Variants in ARL1 observed in about 807,000 individuals in gnomAD.
ARL1 encodes the protein ADP-ribosylation factor-like protein 1.
ARL1 carries 17 observed loss-of-function variants against 30.1 expected under a neutral mutation model. The observed-to-expected ratio is 0.56, with a 90% CI of 0.39 to 0.85. The LOEUF (loss-of-function observed/expected upper bound fraction) is 0.85, where lower values mean the gene tolerates loss of function less well. ARL1 is among the 40% of genes least tolerant of loss of function. The pLI, the probability that ARL1 is intolerant of heterozygous loss-of-function variation, is 0.00. For synonymous variants in ARL1, 58 were observed against 71.7 expected, an observed-to-expected ratio of 0.81 and a Z score of 0.97; for missense variants, 102 against 212.6, an observed-to-expected ratio of 0.48 and a Z score of 3.24.
At position 101,394,752 on chromosome 12, in the gene ARL1, A is replaced by C. The variant is rs930306497; in HGVS notation, c.*888T>G. The C allele has an allele frequency of 2.0e-5, 3 of 152,226 alleles. No individual in the cohort carries two copies. 9.4% of individuals were successfully genotyped at this position (152,226 alleles called of 1,614,324 possible). A position where few individuals can be genotyped will look rare whatever the true frequency, so the allele number is the denominator to read the frequency against. On this transcript the variant is annotated 3_prime_UTR_variant, in exon 6 of 6. Coordinates refer to ENST00000261636, the MANE Select transcript of ARL1 (RefSeq NM_001177.6). ...TACTAGTATAGACAAATAAATTTAT[A>C]AACATTATTTTGAATGTAACTAATT...
intron 4 of ARL1, among the ~76,000 whole-genome samples, chr12:101,398,788 C>T (rs920331621): frequency 3.3e-5 from 5 of 152,108 alleles, no homozygotes; most frequent in African/African-American, 1.2e-4. Flanking sequence ...TTGGCCCATA[C>T]TTAACATAAC....
Position 101,393,921 on chromosome 12 carries a change from C to G in ARL1, c.*1719G>C, listed in dbSNP as rs1320229423. 6.6e-6 allele frequency: 1 copy of G among 151,706 alleles called. No individual in the cohort carries two copies. Among genetic ancestry groups the G allele is most frequent in the Non-Finnish European group, 1.5e-5 (1 of 68,000 alleles). The allele number at this position is 151,706 out of a possible 1,614,324, so 9.4% of individuals were successfully genotyped here. A position where few individuals can be genotyped will look rare whatever the true frequency, so the allele number is the denominator to read the frequency against. On this transcript the variant is annotated 3_prime_UTR_variant, in exon 6 of 6. Coordinates refer to ENST00000261636, the MANE Select transcript of ARL1 (RefSeq NM_001177.6). The stretch of plus-strand genomic sequence containing the variant: ...GGCTACTTGTCAAGATGACAAATAT[C>G]TATCCTACTGTTTCAACTATGAACA...
At chr12:101,400,927 T>G in intron 4 of ARL1, 135 bp downstream of exon 4, 1 of 656,774 alleles carries the variant, frequency 1.5e-6, no homozygotes, top group East Asian at 2.8e-5. Context: ...ATTTTTGGAA[T>G]AGAAAATCAT....
At chr12:101,405,688 G>T in intron 2 of ARL1, 156 bp downstream of exon 2, 1 of 681,148 alleles carries the variant, frequency 1.5e-6, no homozygotes. Context: ...GGCCAAGGCA[G>T]GAGGATCACT....
At chr12:101,406,019 T>C (rs1457780306) in intron 1 of ARL1, 38 bp from the exon 2 acceptor site, 1 of 1,496,684 alleles carries the variant, frequency 6.7e-7, no homozygotes. Flanking sequence ...CACAATGTCA[T>C]TTTGTGAACT....
intron 4 of ARL1, 143 bp from the exon 5 acceptor site, chr12:101,396,720 G>A (rs1565814421): frequency 1.6e-6 from 1 of 635,872 alleles, no homozygotes. Context: ...ATATAGAGAA[G>A]TATAAAGAAA....
chr12:101,394,735 T>C lies in ARL1; in HGVS notation c.*905A>G, dbSNP rs920314245. 1.3e-5 allele frequency: 2 copies of C among 152,212 alleles called. No homozygotes were observed. Among genetic ancestry groups the C allele is most frequent in the Non-Finnish European group, 2.9e-5 (2 of 68,028 alleles). The allele number at this position is 152,212 out of a possible 1,614,324, so 9.4% of individuals were successfully genotyped here. A position where few individuals can be genotyped will look rare whatever the true frequency, so the allele number is the denominator to read the frequency against. On this transcript the variant is annotated 3_prime_UTR_variant, in exon 6 of 6. Transcript: ENST00000261636. ...ATGTCACTGATCACTTCTACTAGTA[T>C]AGACAAATAAATTTATAAACATTAT...
At chr12:101,403,248 C>G in intron 2 of ARL1, 1 of 454,588 alleles carries the variant, frequency 2.2e-6, no homozygotes, top group Non-Finnish European at 4.3e-6. Context: ...TTTTAAAAGC[C>G]AGCAGTTCTG....
intron 2 of ARL1, among the ~76,000 whole-genome samples, chr12:101,405,346 T>C (rs1157338446): frequency 2.0e-5 from 3 of 152,232 alleles, no homozygotes; most frequent in Non-Finnish European, 4.4e-5. Context: ...TATAATTCTT[T>C]ACACAGATTT....
intron 5 of ARL1, chr12:101,396,175 T>C (rs967260227): frequency 1.5e-5 from 9 of 620,534 alleles, no homozygotes; most frequent in Non-Finnish European, 2.5e-5. Flanking sequence ...AGGCTAAAAA[T>C]TGGCAAAGAA....
In ARL1 at chr12:101,393,267, T is replaced by C. The variant is rs1001056146; in HGVS notation, c.*2373A>G. ...GAGCTTACATTTCAACAGTTTAAAG[T>C]GCATCTCAGGTATTTCAGATAACAG... On this transcript the variant is annotated 3_prime_UTR_variant, in exon 6 of 6. Transcript: ENST00000261636. 1.3e-5 allele frequency: 2 copies of C among 151,804 alleles called. No homozygotes were observed. Among genetic ancestry groups the C allele is most frequent in the African/African-American group, 4.8e-5 (2 of 41,298 alleles). 9.4% of individuals were successfully genotyped at this position (151,804 alleles called of 1,614,324 possible).
chr12:101,401,342 G>A lies in ARL1; in HGVS notation c.225-169C>T, dbSNP rs1038931808. On this transcript the variant is annotated intron_variant, in intron 3 of 5. Transcript: ENST00000261636. ...TCAGATGTGATGGAGTCAAAAGAAT[G>A]TTGATAAACATTGGCTGGGCACGGT... 3.2e-5 allele frequency: 16 copies of A among 507,246 alleles called. No homozygotes were observed. In the African/African-American group the frequency reaches 3.2e-4, roughly 10 times the overall value. 31.4% of individuals were successfully genotyped at this position (507,246 alleles called of 1,614,324 possible).
At chr12:101,401,352 A>T (rs539492243) in intron 3 of ARL1, 179 bp from the exon 4 acceptor site, 27 of 491,460 alleles carry the variant, frequency 5.5e-5, no homozygotes, top group African/African-American at 5.3e-4. Flanking sequence ...GTTGATAAAC[A>T]TTGGCTGGGC....
intron 1 of ARL1, chr12:101,407,223 T>G: frequency 4.7e-6 from 1 of 214,324 alleles, no homozygotes; most frequent in Non-Finnish European, 9.1e-6. Flanking sequence ...AAGAGAATGA[T>G]TAAGCTTCCA....
rs550126583 is a variant in ARL1, at chr12:101,400,994, T to A, written c.336+68A>T. The A allele has an allele frequency of 2.3e-5, 25 of 1,068,980 alleles. No individual in the cohort carries two copies. The African/African-American group carries it at 2.8e-4, about 12-fold the overall frequency. The allele number at this position is 1,068,980 out of a possible 1,614,324, so 66.2% of individuals were successfully genotyped here. A position where few individuals can be genotyped will look rare whatever the true frequency, so the allele number is the denominator to read the frequency against. ...GAGGGAACAACCCCTGCATTCTTTT[T>A]AATTATTCTTCAATGTAATAATATG... On this transcript the variant is annotated intron_variant, in intron 4 of 5. Coordinates refer to ENST00000261636, the MANE Select transcript of ARL1 (RefSeq NM_001177.6).
rs1871164372 is a variant in ARL1, at chr12:101,396,725, A to T, written c.337-148T>A. On this transcript the variant is annotated intron_variant, in intron 4 of 5. Coordinates refer to ENST00000261636, the MANE Select transcript of ARL1 (RefSeq NM_001177.6). ...TATAGAAATTATATAGAGAAGTATA[A>T]AGAAAAGAAGCTTCACTCATAATCC... is the stretch of plus-strand genomic sequence containing the variant. 2.2e-5 allele frequency: 14 copies of T among 625,734 alleles called. No individual in the cohort carries two copies. In the East Asian group the frequency reaches 3.7e-4, roughly 17 times the overall value. The allele number at this position is 625,734 out of a possible 1,614,324, so 38.8% of individuals were successfully genotyped here. A position where few individuals can be genotyped will look rare whatever the true frequency, so the allele number is the denominator to read the frequency against.
intron 4 of ARL1, among the ~76,000 whole-genome samples, chr12:101,398,723 C>G: frequency 1.3e-5 from 2 of 152,138 alleles, no homozygotes; most frequent in African/African-American, 4.8e-5. Context: ...CAGGCGTGAG[C>G]CACCACACCT....
chr12:101,398,581 C>T (rs1020877829), intron 4 of ARL1, among the ~76,000 whole-genome samples: 1 of 151,856 alleles, frequency 6.6e-6, no homozygotes, highest in African/African-American at 2.4e-5. Context: ...TCCCGTGTAG[C>T]TGGGATTACA....
intron 2 of ARL1, 131 bp downstream of exon 2, chr12:101,405,713 T>G (rs1266603216): frequency 2.0e-6 from 2 of 1,020,662 alleles, no homozygotes; most frequent in Non-Finnish European, 2.6e-6. Flanking sequence ...GCCAAGAGTC[T>G]AAGACCAGCT....
Sources: allele counts gnomAD v4.1 joint callset (sites outside exome capture counted in the v4.1 genomes callset), GRCh38; gene constraint gnomAD v4.1.1; transcripts MANE v1.5; gene names NCBI Gene and HGNC (gene_info 2026-07-23, HGNC 2026-07-21).